The following BRD9 variants were observed in gnomAD, a reference collection of about 807,000 sequenced individuals.
BRD9 encodes bromodomain containing 9.
BRD9 carries 47 observed loss-of-function variants against 68.7 expected under a neutral mutation model. The observed-to-expected ratio is 0.68, with a 90% CI of 0.54 to 0.87. BRD9 has a LOEUF of 0.87. Among genes scored for constraint, BRD9 ranks in the 40% least tolerant of loss-of-function variants. The pLI is 0.00. For missense variants in BRD9, 670 were observed against 748.4 expected, an observed-to-expected ratio of 0.90 and a Z score of 1.22; for synonymous variants, 313 against 293.9, an observed-to-expected ratio of 1.06 and a Z score of -0.67.
At chr5:871,858 C>G (rs1343512745) in intron 12 of BRD9, among the ~76,000 whole-genome samples, 2 of 152,216 alleles carry the variant, frequency 1.3e-5, no homozygotes, top group African/African-American at 4.8e-5. Context: ...GTTTCGGCAG[C>G]CTTGGGTGGC....
At chr5:890,969 C>T (rs573804752) in intron 3 of BRD9, among the ~76,000 whole-genome samples, 186 bp downstream of exon 3, 1 of 152,310 alleles carries the variant, frequency 6.6e-6, no homozygotes, top group East Asian at 1.9e-4. Context: ...CTGGCCACGC[C>T]TTGCTCTAGA....
chr5:892,621 GC>G lies in BRD9; in HGVS notation c.36del (p.Trp12CysfsTer17). On this transcript the variant is annotated frameshift_variant, in exon 1 of 16. Transcript: ENST00000467963. LOFTEE classifies it high-confidence loss of function. Reference protein sequence around the residue: ...GKKHKKHKAEWRSSYEDYADK... With the variant: ...GKKHKKHKAEXRSSYEDYADK... ...GCCGCCTCACCCTCGTAGGACGAGC[GC>G]CACTCGGCCTTGTGCTTCTTGTGCT... The G allele has an allele frequency of 6.6e-7, 1 of 1,523,828 alleles. No individual in the cohort carries two copies. Among genetic ancestry groups the G allele is most frequent in the Non-Finnish European group, 8.8e-7 (1 of 1,135,276 alleles). The allele number at this position is 1,523,828 out of a possible 1,614,324, so 94.4% of individuals were successfully genotyped here.
At chr5:881,632 G>C in intron 8 of BRD9, 1 of 236,468 alleles carries the variant, frequency 4.2e-6, no homozygotes, top group Non-Finnish European at 8.4e-6. Flanking sequence ...GGAGGCACTG[G>C]TGTGTGCAGA....
At position 864,553 on chromosome 5, in the gene BRD9, A is replaced by T. The variant is rs559109064; in HGVS notation, c.1709T>A (p.Leu570Gln). 1 of 1,613,724 alleles carries T rather than the reference A, an allele frequency of 6.2e-7. No homozygotes were observed. The highest frequency in any genetic ancestry group is 2.2e-5 in the East Asian group (1 of 44,874). ...GACGTCTGGCTGCTCCCCGACACTC[A>T]GGCGAGAAGGGCTTCCTGCAATTTT... ...DQHHLGSPSR[L>Q]SVGEQPDVTH... Residue 570 changes from leucine to glutamine, a missense_variant, in exon 16 of 16, where the codon CTG (leucine) becomes CAG (glutamine). Coordinates refer to ENST00000467963, the MANE Select transcript of BRD9 (RefSeq NM_023924.5).
chr5:875,516 T>G (rs1750776627), intron 12 of BRD9, among the ~76,000 whole-genome samples: 1 of 151,954 alleles, frequency 6.6e-6, no homozygotes, highest in Non-Finnish European at 1.5e-5. Context: ...CCCAGCTAAT[T>G]TTTTCTATTT....
rs566233084 is a variant in BRD9, at chr5:885,408, G to A, written c.833+1184C>T. Among the ~76,000 whole-genome samples the A allele has an allele frequency of 1.4e-4, 22 of 152,288 alleles. No homozygotes were observed. The South Asian group carries it at 2.9e-3, about 20-fold the overall frequency. On this transcript the variant is annotated intron_variant, in intron 7 of 15. Coordinates refer to ENST00000467963, the MANE Select transcript of BRD9 (RefSeq NM_023924.5). ...GGGAGCTGCTCAGAGCAGAAGCACC[G>A]AGCCCAGCACCGCTGCCGCCCCACC...
At chr5:886,776 AG>A in intron 6 of BRD9, 69 bp from the exon 7 acceptor site, 1 of 1,609,504 alleles carries the variant, frequency 6.2e-7, no homozygotes, top group Non-Finnish European at 8.5e-7. Flanking sequence ...TCCTAGAATC[AG>A]AAAGGACAGA....
intron 11 of BRD9, 58 bp downstream of exon 11, chr5:878,297 C>T: frequency 6.2e-7 from 1 of 1,601,366 alleles, no homozygotes; most frequent in Non-Finnish European, 8.5e-7. Context: ...CCACGTCCCA[C>T]ACCAGGGCAC....
chr5:880,530 A>T (rs1197383093), intron 9 of BRD9, among the ~76,000 whole-genome samples: 1 of 152,108 alleles, frequency 6.6e-6, no homozygotes, highest in Non-Finnish European at 1.5e-5. Context: ...AGGAATCTAG[A>T]GGCAACCCGT....
rs764239470 is a variant in BRD9, at chr5:864,540, C to T, written c.1722G>A (p.Glu574=). The change falls in exon 16 of 16, where the codon GAG becomes GAA. Residue 574 remains glutamate (E), a synonymous_variant. Coordinates refer to ENST00000467963, the MANE Select transcript of BRD9 (RefSeq NM_023924.5). ...AGGGGTCGTGGGTGACGTCTGGCTG[C>T]TCCCCGACACTCAGGCGAGAAGGGC... ...LGSPSRLSVG[E]QPDVTHDPYE... is the part of the protein sequence containing the mutation. 3.1e-6 allele frequency: 5 copies of T among 1,613,822 alleles called. No homozygotes were observed. The African/African-American group carries it at 6.7e-5, about 22-fold the overall frequency.
rs1197856620 is a variant in BRD9, at chr5:870,455, G to C, written c.1525+18C>G. Reference sequence around the variant, plus strand: ...CACCTTCACCAGGTGCTGTGGGAAAGTGCCTGTTACAACTCACCCAGAGAG... The same window carrying C: ...CACCTTCACCAGGTGCTGTGGGAAACTGCCTGTTACAACTCACCCAGAGAG... On this transcript the variant is annotated intron_variant, in intron 14 of 15. Coordinates refer to ENST00000467963, the MANE Select transcript of BRD9 (RefSeq NM_023924.5). The C allele has an allele frequency of 2.5e-6, 4 of 1,591,796 alleles. No homozygotes were observed. The Admixed American group carries it at 5.0e-5, about 20-fold the overall frequency.
intron 4 of BRD9, 32 bp downstream of exon 4, chr5:889,555 G>A (rs546599813): frequency 3.1e-6 from 5 of 1,610,644 alleles, no homozygotes; most frequent in African/African-American, 2.7e-5. Flanking sequence ...CACCCCCCCA[G>A]ACACTAGCTC....
intron 14 of BRD9, among the ~76,000 whole-genome samples, chr5:867,173 G>C (rs1749495653): frequency 6.6e-6 from 1 of 152,206 alleles, no homozygotes; most frequent in Admixed American, 6.5e-5. Context: ...CCCAAGCCCT[G>C]GAAGCTTCCA....
chr5:886,845 G>C (rs910206995), intron 6 of BRD9, 138 bp from the exon 7 acceptor site: 2 of 1,459,250 alleles, frequency 1.4e-6, no homozygotes, highest in African/African-American at 1.4e-5. Flanking sequence ...GGATGGGATG[G>C]GGATGGTCAC....
intron 11 of BRD9, among the ~76,000 whole-genome samples, chr5:878,031 C>G (rs1299141114): frequency 6.6e-6 from 1 of 152,208 alleles, no homozygotes; most frequent in Admixed American, 6.5e-5. Context: ...AGACCCCAGT[C>G]TGTGGTGCTT....
intron 6 of BRD9, 144 bp downstream of exon 6, chr5:887,217 G>A (rs760928385): frequency 5.8e-6 from 4 of 687,408 alleles, no homozygotes; most frequent in South Asian, 3.5e-5. Context: ...GGCCGGGGAC[G>A]TCTACCCTAG....
At chr5:889,216 C>CA in intron 4 of BRD9, 51 bp from the exon 5 acceptor site, 1 of 1,562,526 alleles carries the variant, frequency 6.4e-7, no homozygotes, top group Non-Finnish European at 8.6e-7. Flanking sequence ...CTAAATGATA[C>CA]AAAATCTCTT....
chr5:876,078 A>G lies in BRD9; in HGVS notation c.1383+23T>C, dbSNP rs994799735. On this transcript the variant is annotated intron_variant, in intron 12 of 15. Transcript: ENST00000467963. ...GCACCCCAAGGGCACCTGCCCCCCAACCCCGGTGCGAGTGCAGCCCACCTG... is the reference window on the plus strand; with the variant it reads ...GCACCCCAAGGGCACCTGCCCCCCAGCCCCGGTGCGAGTGCAGCCCACCTG... 29 of 1,568,200 alleles carry G rather than the reference A, an allele frequency of 1.8e-5. No homozygotes were observed. In the Admixed American group the frequency reaches 4.0e-4, roughly 22 times the overall value.
chr5:891,550 C>T (rs1753403125), intron 2 of BRD9, 90 bp downstream of exon 2: 1 of 1,490,862 alleles, frequency 6.7e-7, no homozygotes, highest in Admixed American at 2.5e-5. Flanking sequence ...CTCCTCCAGC[C>T]ACGCAGGCGC....
Sources: allele counts gnomAD v4.1 joint callset (sites outside exome capture counted in the v4.1 genomes callset), GRCh38; gene constraint gnomAD v4.1.1; transcripts MANE v1.5; gene names NCBI Gene and HGNC (gene_info 2026-07-23, HGNC 2026-07-21).